The following IGF2BP1 variants were observed in gnomAD, a reference collection of about 807,000 sequenced individuals.
IGF2BP1 encodes insulin like growth factor 2 mRNA binding protein 1.
A neutral mutation model predicts 74.9 loss-of-function variants in IGF2BP1; 11 were observed. The ratio of observed to expected loss-of-function variants is 0.15; its 90% CI spans 0.09 to 0.24. The LOEUF is 0.24. Ranked by LOEUF, IGF2BP1 falls within the 10% of genes least tolerant of loss-of-function variation. The pLI is 1.00. For missense variants in IGF2BP1, 440 were observed against 757.4 expected, an observed-to-expected ratio of 0.58 and a Z score of 4.92; for synonymous variants, 287 against 281.8, an observed-to-expected ratio of 1.02 and a Z score of -0.18.
At chr17:49,021,321 C>T (rs1193555134) in intron 2 of IGF2BP1, among the ~76,000 whole-genome samples, 1 of 152,130 alleles carries the variant, frequency 6.6e-6, no homozygotes, top group South Asian at 2.1e-4. Context: ...CTTCCTGAAT[C>T]TCTTACTTCC....
chr17:49,031,055 G>T (rs2144079120), intron 4 of IGF2BP1, among the ~76,000 whole-genome samples: 1 of 152,294 alleles, frequency 6.6e-6, no homozygotes. Context: ...ACACCCATTT[G>T]TATATCCACT....
intron 2 of IGF2BP1, among the ~76,000 whole-genome samples, chr17:49,016,674 C>G (rs930840362): frequency 4.6e-5 from 7 of 152,172 alleles, no homozygotes; most frequent in Non-Finnish European, 7.3e-5. Context: ...CCAGTCCCCT[C>G]ACACTCTGGC....
At chr17:49,042,426 AC>A (rs1289572381) in intron 9 of IGF2BP1, 49 bp downstream of exon 9, 2 of 1,610,222 alleles carry the variant, frequency 1.2e-6, no homozygotes, top group Non-Finnish European at 8.5e-7. Flanking sequence ...AGTCTTAGCA[AC>A]AGCAGCTTGT....
At position 49,008,385 on chromosome 17, in the gene IGF2BP1, T is replaced by G. The variant is rs539470875; in HGVS notation, c.236+9216T>G. On this transcript the variant is annotated intron_variant, in intron 2 of 14. Transcript: ENST00000290341. ...TTTAAAATCTAGCTGACTGAGGTTA[T>G]CTATAGGGTTTTCTTCCTCTCTATA... 6.6e-5 allele frequency among the ~76,000 whole-genome samples: 10 copies of G among 152,276 alleles called. No individual in the cohort carries two copies. The South Asian group carries it at 2.1e-3, about 32-fold the overall frequency.
At chr17:49,020,989 A>T (rs1567816516) in intron 2 of IGF2BP1, among the ~76,000 whole-genome samples, 1 of 132,024 alleles carries the variant, frequency 7.6e-6, no homozygotes, top group Non-Finnish European at 1.6e-5. Flanking sequence ...AAAAAAAAAA[A>T]TTGGAGCCAG....
chr17:49,049,774 C>T lies in IGF2BP1; in HGVS notation c.*330C>T, dbSNP rs1006258792. 11 of 211,190 alleles carry T rather than the reference C, an allele frequency of 5.2e-5. No homozygotes were observed. The highest frequency in any genetic ancestry group is 3.3e-4 in the Admixed American group (6 of 18,148). 13.1% of individuals were successfully genotyped at this position (211,190 alleles called of 1,614,324 possible). ...CTCAGTGGGAAGAAAAATAAAATTT[C>T]CTTCAGGTTTTAAAAACATGCAGAG... On this transcript the variant is annotated 3_prime_UTR_variant, in exon 15 of 15. Transcript: ENST00000290341.
intron 4 of IGF2BP1, among the ~76,000 whole-genome samples, chr17:49,027,937 A>T (rs2041878190): frequency 2.0e-5 from 3 of 150,592 alleles, no homozygotes; most frequent in Admixed American, 2.0e-4. Context: ...TTGGGAGGCC[A>T]AGGTGGGCAG....
intron 3 of IGF2BP1, 123 bp downstream of exon 3, chr17:49,025,789 C>T (rs1322736192): frequency 6.3e-6 from 4 of 636,194 alleles, no homozygotes; most frequent in Non-Finnish European, 1.1e-5. Flanking sequence ...AGGCCTGGGT[C>T]TCATCCTTTC....
intron 4 of IGF2BP1, among the ~76,000 whole-genome samples, chr17:49,031,667 C>T (rs8078806): frequency 0.19 from 28,259 of 151,404 alleles, 2,809 homozygotes; most frequent in African/African-American, 0.26. Context: ...CCACTACGCC[C>T]GGCTACTTTT....
chr17:49,043,219 A>G (rs1239076113), intron 9 of IGF2BP1, among the ~76,000 whole-genome samples: 2 of 152,232 alleles, frequency 1.3e-5, no homozygotes, highest in East Asian at 3.8e-4. Flanking sequence ...CCGTTAGTCC[A>G]GTGAGAACAT....
Position 49,046,297 on chromosome 17 carries a change from T to C in IGF2BP1, c.1565T>C (p.Val522Ala). Reference protein sequence around the residue: ...ELQNLTAAEVVVPRDQTPDEN... With the variant: ...ELQNLTAAEVAVPRDQTPDEN... ...CAGAATTTGACGGCAGCTGAGGTGG[T>C]AGTACCAAGAGACCAGACCCCTGAT... Residue 522 changes from valine (V) to alanine (A), a missense_variant, in exon 14 of 15, where the codon GTA becomes GCA. By Grantham distance (64) the Val-to-Ala change is moderately conservative. Coordinates refer to ENST00000290341, the MANE Select transcript of IGF2BP1 (RefSeq NM_006546.4). 1 of 1,614,076 alleles carries C rather than the reference T, an allele frequency of 6.2e-7. No homozygotes were observed. The highest frequency in any genetic ancestry group is 8.5e-7 in the Non-Finnish European group (1 of 1,180,016).
At chr17:49,045,830 A>T (rs1470715815) in intron 12 of IGF2BP1, 60 bp from the exon 13 acceptor site, 1 of 1,559,834 alleles carries the variant, frequency 6.4e-7, no homozygotes, top group Non-Finnish European at 8.7e-7. Flanking sequence ...CCTTTTTCCC[A>T]CTTTTCTCTT....
At position 49,052,315 on chromosome 17, in the gene IGF2BP1, G is replaced by C. The variant is rs1007682877; in HGVS notation, c.*2871G>C. 5 of 152,078 alleles carry C rather than the reference G, an allele frequency of 3.3e-5. No individual in the cohort carries two copies. Among genetic ancestry groups the C allele is most frequent in the Non-Finnish European group, 5.9e-5 (4 of 68,018 alleles). The allele number at this position is 152,078 out of a possible 1,614,324, so 9.4% of individuals were successfully genotyped here. ...AGTAATTTAAAGCGAATTTCCAGCA[G>C]CAAGCATGCTTTGATATCTGGTTCA... On this transcript the variant is annotated 3_prime_UTR_variant, in exon 15 of 15. Coordinates refer to ENST00000290341, the MANE Select transcript of IGF2BP1 (RefSeq NM_006546.4).
At position 49,025,684 on chromosome 17, in the gene IGF2BP1, ACT is replaced by A; in HGVS notation, c.285+21_285+22del. ...GATGGGAAGTAAGTGTTTGGGGGAAACTCTAAATGGAGTGGGATAGTGGAGCC... is the reference window on the plus strand; with the variant it reads ...GATGGGAAGTAAGTGTTTGGGGGAAACTAAATGGAGTGGGATAGTGGAGCC... On this transcript the variant is annotated intron_variant, in intron 3 of 14. Coordinates refer to ENST00000290341, the MANE Select transcript of IGF2BP1 (RefSeq NM_006546.4). 1 of 1,608,988 alleles carries A rather than the reference ACT, an allele frequency of 6.2e-7. No homozygotes were observed.
intron 14 of IGF2BP1, among the ~76,000 whole-genome samples, chr17:49,047,267 T>C (rs1225530375): frequency 2.0e-5 from 3 of 152,150 alleles, no homozygotes; most frequent in Non-Finnish European, 2.9e-5. Context: ...CTTGGATAAG[T>C]AACTTTCTCT....
intron 2 of IGF2BP1, among the ~76,000 whole-genome samples, chr17:49,011,556 T>C (rs1386695508): frequency 6.6e-6 from 1 of 152,052 alleles, no homozygotes; most frequent in Non-Finnish European, 1.5e-5. Flanking sequence ...TTTCCAAAGT[T>C]GAGCTCTCTT....
chr17:49,026,333 C>CA, intron 3 of IGF2BP1, 133 bp from the exon 4 acceptor site: 1 of 738,438 alleles, frequency 1.4e-6, no homozygotes, highest in East Asian at 2.5e-5. Flanking sequence ...TCACACTGGA[C>CA]AGGTAATAAT....
rs75500559 is a variant in IGF2BP1, at chr17:49,032,100, T to C, written c.401+127T>C. 4.8e-3 allele frequency: 3,710 copies of C among 765,302 alleles called. 20 individuals carry two copies. The highest frequency in any genetic ancestry group is 7.0e-3 in the Non-Finnish European group (3,187 of 455,592). 47.4% of individuals were successfully genotyped at this position (765,302 alleles called of 1,614,324 possible). ...TGGGTCCCCATCCAGGGTTCTGATATTAGCCCAAGCCAAACCTAGAATCTT... is the reference window on the plus strand; with the variant it reads ...TGGGTCCCCATCCAGGGTTCTGATACTAGCCCAAGCCAAACCTAGAATCTT... On this transcript the variant is annotated intron_variant, in intron 5 of 14. Transcript: ENST00000290341.
In IGF2BP1 at chr17:49,019,938, A is replaced by ATATATT. The variant is rs1555597794; in HGVS notation, c.237-5675_237-5674insTTATAT. ...TATATATATATATATATATATATAT[A>ATATATT]TATATATATATTTATATACACACAC... On this transcript the variant is annotated intron_variant, in intron 2 of 14. Coordinates refer to ENST00000290341, the MANE Select transcript of IGF2BP1 (RefSeq NM_006546.4). Among the ~76,000 whole-genome samples the ATATATT allele has an allele frequency of 1.9e-4, 11 of 57,372 alleles. No individual in the cohort carries two copies. The East Asian group carries it at 2.0e-3, about 10-fold the overall frequency. 37.6% of individuals were successfully genotyped at this position (57,372 alleles called of 152,430 possible).
Sources: gnomAD v4.1 joint callset for allele counts (sites outside exome capture counted in the v4.1 genomes callset) on GRCh38, gnomAD v4.1.1 for gene constraint, MANE v1.5 for transcripts, NCBI Gene and HGNC (gene_info 2026-07-23, HGNC 2026-07-21) for gene names.